The following ZNF280C variants were observed in gnomAD, a reference collection of about 807,000 sequenced individuals.
ZNF280C encodes the protein zinc finger protein 280C, also known as suppressor of hairy wing homolog 3.
A neutral mutation model predicts 53.6 loss-of-function variants in ZNF280C; 14 were observed. That is an observed-to-expected ratio of 0.26 (90% CI 0.17 to 0.41). The LOEUF (loss-of-function observed/expected upper bound fraction) is 0.41, where lower values mean the gene tolerates loss of function less well. Ranked by LOEUF, ZNF280C falls within the 10% of genes least tolerant of loss-of-function variation. The pLI is 1.00. For synonymous variants in ZNF280C, 203 were observed against 181.1 expected, an observed-to-expected ratio of 1.12 and a Z score of -0.97; for missense variants, 416 against 547.1, an observed-to-expected ratio of 0.76 and a Z score of 2.39.
intron 13 of ZNF280C, 45 bp from the exon 14 acceptor site, chrX:130,216,146 G>T: frequency 1.9e-6 from 2 of 1,031,080 alleles, no homozygotes; most frequent in Non-Finnish European, 2.6e-6. Flanking sequence ...AGTAACCATC[G>T]CATTAGTATT....
Position 130,255,870 on chromosome X carries a change from G to A in ZNF280C, c.31+4549C>T, listed in dbSNP as rs774286988. Among the ~76,000 whole-genome samples, 21 of 111,830 alleles carry A rather than the reference G, an allele frequency of 1.9e-4. No individual in the cohort carries two copies. The East Asian group carries it at 4.3e-3, about 23-fold the overall frequency. On this transcript the variant is annotated intron_variant, in intron 2 of 18. Transcript: ENST00000370978. ...CTTGGGAGGCAGAGGCACAAGAATC[G>A]CCTCAACCCAGGAGCCGGTGGTTGC...
intron 2 of ZNF280C, among the ~76,000 whole-genome samples, chrX:130,257,027 C>T (rs747975449): frequency 9.2e-6 from 1 of 108,112 alleles, no homozygotes; most frequent in South Asian, 4.1e-4. Context: ...GGTGAAACCC[C>T]GTCTCTACTA....
chrX:130,239,978 T>A (rs1317513321), intron 5 of ZNF280C, among the ~76,000 whole-genome samples: 1 of 111,584 alleles, frequency 9.0e-6, no homozygotes, highest in East Asian at 2.8e-4. Context: ...GGAACAACTT[T>A]TCTGCAAGGA....
At chrX:130,221,080 GTATC>G (rs1184548587) in intron 12 of ZNF280C, among the ~76,000 whole-genome samples, 8 of 111,573 alleles carry the variant, frequency 7.2e-5, no homozygotes, top group Middle Eastern at 4.6e-3. Context: ...ATGTATGAAA[GTATC>G]TAGTAGTTAC....
intron 2 of ZNF280C, among the ~76,000 whole-genome samples, chrX:130,247,267 C>T (rs755321198): frequency 9.0e-6 from 1 of 111,071 alleles, no homozygotes; most frequent in South Asian, 3.8e-4. Context: ...CACTGCTACG[C>T]CCAGTTAATT....
chrX:130,250,767 T>C (rs773617718), intron 2 of ZNF280C, among the ~76,000 whole-genome samples: 78 of 112,115 alleles, frequency 7.0e-4, no homozygotes, highest in African/African-American at 2.5e-3. Flanking sequence ...GCCAGCATTG[T>C]CCTGATAACA....
chrX:130,255,561 T>A (rs1333332467), intron 2 of ZNF280C, among the ~76,000 whole-genome samples: 1 of 110,045 alleles, frequency 9.1e-6, no homozygotes, highest in Non-Finnish European at 1.9e-5. Flanking sequence ...CTAGTTCTCA[T>A]GGATATAAAT....
intron 2 of ZNF280C, among the ~76,000 whole-genome samples, 159 bp downstream of exon 2, chrX:130,260,260 C>T (rs140671948): frequency 0.031 from 3,425 of 110,544 alleles, 34 homozygotes; most frequent in Middle Eastern, 0.09. Context: ...CCAGCCTGGG[C>T]GACACAGTGA....
chrX:130,256,217 A>G (rs1235249478), intron 2 of ZNF280C, among the ~76,000 whole-genome samples: 3 of 111,911 alleles, frequency 2.7e-5, no homozygotes, highest in African/African-American at 9.7e-5. Flanking sequence ...GGAATCCACC[A>G]AAACAAGACT....
At chrX:130,263,550 G>A (rs755176985) in intron 1 of ZNF280C, among the ~76,000 whole-genome samples, 2 of 111,609 alleles carry the variant, frequency 1.8e-5, no homozygotes, top group African/African-American at 6.5e-5. Context: ...ATGGTTGGGA[G>A]GGTTGGTGGG....
chrX:130,264,024 CAAAA>C (rs538734296), intron 1 of ZNF280C, among the ~76,000 whole-genome samples: 1 of 24,061 alleles, frequency 4.2e-5, no homozygotes, highest in Non-Finnish European at 8.4e-5. Context: ...GACACCATCT[CAAAA>C]AAAAAAAAAA....
intron 2 of ZNF280C, among the ~76,000 whole-genome samples, chrX:130,254,856 C>G (rs1256763053): frequency 1.8e-5 from 2 of 109,797 alleles, no homozygotes; most frequent in Non-Finnish European, 3.8e-5. Context: ...AACAAACCCC[C>G]AAGACATGAG....
In ZNF280C at chrX:130,230,731, A is replaced by C; in HGVS notation, c.772-4T>G. On this transcript the variant is annotated splice_polypyrimidine_tract_variant and splice_region_variant and intron_variant, in intron 8 of 18. Coordinates refer to ENST00000370978, the MANE Select transcript of ZNF280C (RefSeq NM_017666.5). ...TTATCATGTCTGGACAACAATGCTG[A>C]AAGAGGAAAAAAATATGAGCCTTGT... The C allele has an allele frequency of 8.8e-7, 1 of 1,142,812 alleles. No individual in the cohort carries two copies. Among genetic ancestry groups the C allele is most frequent in the Non-Finnish European group, 1.2e-6 (1 of 840,854 alleles). 94.2% of individuals were successfully genotyped at this position (1,142,812 alleles called of 1,213,427 possible). A position where few individuals can be genotyped will look rare whatever the true frequency, so the allele number is the denominator to read the frequency against.
At chrX:130,207,874 T>C in intron 16 of ZNF280C, among the ~76,000 whole-genome samples, 1 of 111,561 alleles carries the variant, frequency 9.0e-6, no homozygotes. Flanking sequence ...TATCTCTCAC[T>C]GCACTTACTA....
intron 12 of ZNF280C, among the ~76,000 whole-genome samples, 186 bp from the exon 13 acceptor site, chrX:130,220,666 T>C (rs1007373098): frequency 1.8e-5 from 2 of 111,727 alleles, no homozygotes; most frequent in African/African-American, 6.5e-5. Flanking sequence ...TTCAAAAGCA[T>C]TAGTTACCAT....
At chrX:130,209,598 T>A in intron 16 of ZNF280C, 55 bp downstream of exon 16, 1 of 1,078,684 alleles carries the variant, frequency 9.3e-7, no homozygotes, top group Non-Finnish European at 1.3e-6. Context: ...ACATCAAGTT[T>A]TAAAAAGTTA....
At chrX:130,205,238 G>T in intron 17 of ZNF280C, 59 bp downstream of exon 17, 1 of 1,104,812 alleles carries the variant, frequency 9.1e-7, no homozygotes, top group South Asian at 2.0e-5. Context: ...TATGGTGTCC[G>T]ATCAAAAGTA....
chrX:130,256,515 G>A (rs903442114), intron 2 of ZNF280C, among the ~76,000 whole-genome samples: 3 of 110,060 alleles, frequency 2.7e-5, no homozygotes, highest in Non-Finnish European at 5.7e-5. Flanking sequence ...GCTGGAACCC[G>A]GGAGTGGGAA....
rs752255998 is a variant in ZNF280C, at chrX:130,230,620, T to C, written c.879A>G (p.Leu293=). Residue 293 remains leucine, a synonymous_variant, in exon 9 of 19, where the codon TTA becomes TTG. Transcript: ENST00000370978. ...GCCTTCCATAATAAAACTCATTGAC[T>C]AACATGATCAACTTTCCTGTCTCTG... ...TDSETGKLIM[L]VNEFYYGRHE... is the part of the protein sequence containing the mutation. 6.8e-5 allele frequency: 82 copies of C among 1,207,628 alleles called. No homozygotes were observed. In the South Asian group the frequency reaches 1.4e-3, roughly 20 times the overall value.
Sources: gnomAD v4.1 joint callset for allele counts (sites outside exome capture counted in the v4.1 genomes callset) on GRCh38, gnomAD v4.1.1 for gene constraint, MANE v1.5 for transcripts, NCBI Gene and HGNC (gene_info 2026-07-23, HGNC 2026-07-21) for gene names.